The following SLIT2 variants were observed in gnomAD, a reference collection of about 807,000 sequenced individuals.
SLIT2 encodes the protein slit guidance ligand 2.
SLIT2 carries 41 observed loss-of-function variants against 185.7 expected under a neutral mutation model. The ratio of observed to expected loss-of-function variants is 0.22; its 90% CI spans 0.17 to 0.29. The LOEUF is 0.29. Among genes scored for constraint, SLIT2 ranks in the 10% least tolerant of loss-of-function variants. The probability of loss-of-function intolerance (pLI) is 1.00; values close to 1 mark genes in which losing one functional copy is unlikely to be tolerated. For missense variants in SLIT2, 1,571 were observed against 1,909.0 expected (o/e 0.82, Z 3.30); for synonymous variants, 693 against 680.2 (o/e 1.02, Z -0.29).
At chr4:20,559,434 C>G (rs887288374) in intron 26 of SLIT2, among the ~76,000 whole-genome samples, 1 of 151,742 alleles carries the variant, frequency 6.6e-6, no homozygotes, top group Non-Finnish European at 1.5e-5. Context: ...CTTACAGTGC[C>G]CTTTGCCAGC....
At chr4:20,562,751 G>C (rs1724799124) in intron 26 of SLIT2, among the ~76,000 whole-genome samples, 1 of 151,762 alleles carries the variant, frequency 6.6e-6, no homozygotes, top group Non-Finnish European at 1.5e-5. Flanking sequence ...GAGCGTAAAA[G>C]CATTGGTTTT....
intron 4 of SLIT2, among the ~76,000 whole-genome samples, chr4:20,352,573 C>G (rs1182100665): frequency 6.6e-6 from 1 of 152,134 alleles, no homozygotes; most frequent in African/African-American, 2.4e-5. Flanking sequence ...TATTAGGGCT[C>G]AAGGCATATT....
At chr4:20,325,078 T>C (rs983065451) in intron 4 of SLIT2, among the ~76,000 whole-genome samples, 11 of 152,086 alleles carry the variant, frequency 7.2e-5, no homozygotes, top group African/African-American at 2.2e-4. Context: ...TTCTCTTTTC[T>C]TCCTCTCCCT....
chr4:20,346,542 G>T (rs1721428694), intron 4 of SLIT2, among the ~76,000 whole-genome samples: 1 of 152,110 alleles, frequency 6.6e-6, no homozygotes, highest in African/African-American at 2.4e-5. Flanking sequence ...TCTCTAGAGG[G>T]GCAGTACTAA....
intron 4 of SLIT2, among the ~76,000 whole-genome samples, chr4:20,300,363 CATTCTAAGATT>C (rs1716923595): frequency 6.6e-6 from 1 of 152,044 alleles, no homozygotes; most frequent in Admixed American, 6.6e-5. Flanking sequence ...TATCAAAAGA[CATTCTAAGATT>C]ACAAAAACAT....
intron 4 of SLIT2, among the ~76,000 whole-genome samples, chr4:20,398,015 A>G (rs1204871384): frequency 1.3e-5 from 2 of 151,762 alleles, no homozygotes; most frequent in African/African-American, 4.8e-5. Flanking sequence ...TTCAGTTTTT[A>G]TATATTATGT....
At chr4:20,437,180 C>T (rs1050205228) in intron 4 of SLIT2, among the ~76,000 whole-genome samples, 5 of 152,104 alleles carry the variant, frequency 3.3e-5, no homozygotes, top group Admixed American at 6.5e-5. Flanking sequence ...TTGCCTCCCC[C>T]GCATCTCCAT....
chr4:20,357,778 A>G (rs2109283298), intron 4 of SLIT2, among the ~76,000 whole-genome samples: 2 of 152,196 alleles, frequency 1.3e-5, no homozygotes, highest in East Asian at 3.9e-4. Flanking sequence ...CCCCCAATAT[A>G]CTTTCAAATT....
rs1715370341 is a variant in SLIT2, at chr4:20,472,403, G to GAT, written c.467+4583_467+4584dup. Among the ~76,000 whole-genome samples, 4 of 44,862 alleles carry GAT rather than the reference G, an allele frequency of 8.9e-5. 2 individuals carry two copies. The highest frequency in any genetic ancestry group is 4.2e-4 in the African/African-American group (4 of 9,456). 29.4% of individuals were successfully genotyped at this position (44,862 alleles called of 152,430 possible). ...ATATATATGTAGATATATAGATATA[G>GAT]ATATCTATATATCTATATATATAGA... On this transcript the variant is annotated intron_variant, in intron 5 of 36. Transcript: ENST00000504154.
At chr4:20,329,450 AG>A (rs1334413884) in intron 4 of SLIT2, among the ~76,000 whole-genome samples, 1 of 152,014 alleles carries the variant, frequency 6.6e-6, no homozygotes, top group African/African-American at 2.4e-5. Flanking sequence ...GTTTTACCAC[AG>A]GTGTTTGTTG....
chr4:20,463,346 C>T (rs958822918), intron 4 of SLIT2, among the ~76,000 whole-genome samples: 4 of 150,832 alleles, frequency 2.7e-5, no homozygotes, highest in Admixed American at 6.6e-5. Context: ...TCAACCAAGC[C>T]GCCAATGACT....
chr4:20,601,598 G>A (rs1028947301), intron 33 of SLIT2, among the ~76,000 whole-genome samples: 5 of 152,072 alleles, frequency 3.3e-5, no homozygotes, highest in Admixed American at 3.3e-4. Flanking sequence ...TCTTAGCTCT[G>A]ATACGGCTAA....
At position 20,475,185 on chromosome 4, in the gene SLIT2, T is replaced by C. The variant is rs577879467; in HGVS notation, c.468-5531T>C. ...GCCAGAATGGCCTCTCTGTTGCAGA[T>C]ATTCACTGTGAACATTGTAGTGCCT... is the stretch of plus-strand genomic sequence containing the variant. On this transcript the variant is annotated intron_variant, in intron 5 of 36. Transcript: ENST00000504154. Among the ~76,000 whole-genome samples the C allele has an allele frequency of 2.0e-5, 3 of 152,240 alleles. No homozygotes were observed. The South Asian group carries it at 6.2e-4, about 32-fold the overall frequency.
intron 4 of SLIT2, among the ~76,000 whole-genome samples, chr4:20,345,342 C>T (rs1721296292): frequency 1.3e-5 from 2 of 151,990 alleles, no homozygotes; most frequent in African/African-American, 4.8e-5. Context: ...GGCTTTGTGC[C>T]TCAATTAGAG....
chr4:20,455,367 T>A (rs1390399385), intron 4 of SLIT2, among the ~76,000 whole-genome samples: 1 of 152,070 alleles, frequency 6.6e-6, no homozygotes. Flanking sequence ...GGTTGAGACA[T>A]CCAAAGTAGT....
chr4:20,438,548 T>C (rs1316637650), intron 4 of SLIT2, among the ~76,000 whole-genome samples: 1 of 152,142 alleles, frequency 6.6e-6, no homozygotes, highest in Non-Finnish European at 1.5e-5. Flanking sequence ...ATGGGAATTA[T>C]GGGAGCTACA....
intron 4 of SLIT2, among the ~76,000 whole-genome samples, chr4:20,329,241 A>G (rs906708519): frequency 2.0e-5 from 3 of 152,050 alleles, no homozygotes; most frequent in Non-Finnish European, 4.4e-5. Context: ...GACATGGACT[A>G]TTTCTCCAGG....
chr4:20,309,038 T>C (rs185902180), intron 4 of SLIT2, among the ~76,000 whole-genome samples: 2 of 152,098 alleles, frequency 1.3e-5, no homozygotes, highest in African/African-American at 4.8e-5. Flanking sequence ...AGATTCATCA[T>C]TATTATCATA....
intron 3 of SLIT2, among the ~76,000 whole-genome samples, chr4:20,266,106 A>T (rs933031711): frequency 2.0e-5 from 3 of 151,850 alleles, no homozygotes; most frequent in African/African-American, 4.8e-5. Flanking sequence ...TTACACAGTG[A>T]ATTAGAACAC....
Sources: gnomAD v4.1 joint callset for allele counts (sites outside exome capture counted in the v4.1 genomes callset) on GRCh38, gnomAD v4.1.1 for gene constraint, MANE v1.5 for transcripts, NCBI Gene and HGNC (gene_info 2026-07-23, HGNC 2026-07-21) for gene names.